MTMR8: variants seen among roughly 807,000 people sequenced by gnomAD.
MTMR8 encodes the protein myotubularin related protein 8, also known as phosphatidylinositol-3,5-bisphosphate 3-phosphatase MTMR8.
MTMR8 carries 65 observed loss-of-function variants against 39.3 expected under a neutral mutation model. The ratio of observed to expected loss-of-function variants is 1.65; its 90% CI spans 1.35 to 2.03. The LOEUF (loss-of-function observed/expected upper bound fraction) is 2.03, where lower values mean the gene tolerates loss of function less well. Ranked by LOEUF, MTMR8 falls within the 30% of genes most tolerant of loss-of-function variation. The pLI, the probability that MTMR8 is intolerant of heterozygous loss-of-function variation, is 0.00. For missense variants in MTMR8, 777 were observed against 538.9 expected, an observed-to-expected ratio of 1.44 and a Z score of -4.37; for synonymous variants, 245 against 185.2, an observed-to-expected ratio of 1.32 and a Z score of -2.62.
rs56132040 is a variant in MTMR8, at chrX:64,278,460, G to GTTTT, written c.1482-7391_1482-7388dup. 1.3e-3 allele frequency among the ~76,000 whole-genome samples: 32 copies of GTTTT among 24,693 alleles called. 10 individuals are homozygous for GTTTT. Among genetic ancestry groups the GTTTT allele is most frequent in the Admixed American group, 4.6e-3 (6 of 1,318 alleles). 21.4% of individuals were successfully genotyped at this position (24,693 alleles called of 115,157 possible). ...GATGTTGATGCTATTTATTTTGCTG[G>GTTTT]TTTTTTTTTTTTTTTTTTTTTTTTT... On this transcript the variant is annotated intron_variant, in intron 12 of 13. Coordinates refer to ENST00000374852, the MANE Select transcript of MTMR8 (RefSeq NM_017677.4).
At chrX:64,303,991 C>A (rs1236832866) in intron 12 of MTMR8, among the ~76,000 whole-genome samples, 2 of 111,935 alleles carry the variant, frequency 1.8e-5, no homozygotes, top group Non-Finnish European at 3.8e-5. Context: ...GCAGCACAGT[C>A]TGTTTTGAGA....
chrX:64,340,612 G>C (rs1023520845), intron 8 of MTMR8, among the ~76,000 whole-genome samples: 1 of 111,423 alleles, frequency 9.0e-6, no homozygotes, highest in African/African-American at 3.3e-5. Context: ...AGGTAGTCAG[G>C]TTTCAGGTAA....
chrX:64,391,442 C>T (rs1407261078), intron 1 of MTMR8, among the ~76,000 whole-genome samples: 1 of 112,050 alleles, frequency 8.9e-6, no homozygotes, highest in Non-Finnish European at 1.9e-5. Flanking sequence ...GGAAGAGCTT[C>T]TCCCTGCCTG....
At chrX:64,304,007 TTA>T (rs1921992114) in intron 12 of MTMR8, among the ~76,000 whole-genome samples, 1 of 111,731 alleles carries the variant, frequency 9.0e-6, no homozygotes, top group Non-Finnish European at 1.9e-5. Context: ...TGAGAAAAAG[TTA>T]TGATTTTTTT....
chrX:64,361,712 A>G (rs1379646293), intron 1 of MTMR8, among the ~76,000 whole-genome samples: 1 of 111,716 alleles, frequency 9.0e-6, no homozygotes, highest in Non-Finnish European at 1.9e-5. Context: ...CAAAAAACCT[A>G]CAAAGTATGT....
chrX:64,367,863 A>G (rs1308389789), intron 1 of MTMR8, among the ~76,000 whole-genome samples: 1 of 111,753 alleles, frequency 8.9e-6, no homozygotes, highest in South Asian at 3.7e-4. Flanking sequence ...AGAAAACCCC[A>G]TTGTCTCAGC....
chrX:64,337,249 T>C lies in MTMR8; in HGVS notation c.1101+19A>G. ...TCTGTCTCTTACACAAAGTAAAATA[T>C]AGTAGCGTGCTCTCTTACCATGAGT... On this transcript the variant is annotated intron_variant, in intron 9 of 13. Transcript: ENST00000374852. The C allele has an allele frequency of 8.3e-7, 1 of 1,197,706 alleles. No homozygotes were observed. Among genetic ancestry groups the C allele is most frequent in the South Asian group, 1.8e-5 (1 of 54,454 alleles).
chrX:64,333,663 C>A, intron 10 of MTMR8, among the ~76,000 whole-genome samples: 1 of 111,672 alleles, frequency 9.0e-6, no homozygotes, highest in South Asian at 3.8e-4. Flanking sequence ...TCTCTTCTAC[C>A]CCCTTGAGAG....
rs1004935692 is a variant in MTMR8, at chrX:64,348,715, A to G, written c.677T>C (p.Ile226Thr). ...CVDDELLLEA[I>T]SQTNPGSQFM... ...CTGGCTCCCTGGGTTTGTTTGGCTA[A>G]TGGCCTCCAACAAGAGCTCATCATC... Residue 226 changes from isoleucine (I) to threonine (T), a missense_variant, in exon 6 of 14, where the codon ATT becomes ACT. Physicochemically the swap from Ile to Thr is moderately conservative, Grantham distance 89. Coordinates refer to ENST00000374852, the MANE Select transcript of MTMR8 (RefSeq NM_017677.4). The G allele has an allele frequency of 2.5e-6, 3 of 1,209,049 alleles. No individual in the cohort carries two copies. Among genetic ancestry groups the G allele is most frequent in the Admixed American group, 2.2e-5 (1 of 45,702 alleles).
intron 7 of MTMR8, among the ~76,000 whole-genome samples, chrX:64,344,404 A>G (rs755140936): frequency 9.0e-6 from 1 of 111,311 alleles, no homozygotes; most frequent in South Asian, 3.8e-4. Context: ...AAGAGGAAGA[A>G]TGGGGAGTTC....
intron 1 of MTMR8, among the ~76,000 whole-genome samples, chrX:64,372,524 C>T (rs1422837003): frequency 8.9e-6 from 1 of 111,871 alleles, no homozygotes; most frequent in Non-Finnish European, 1.9e-5. Flanking sequence ...CTAATCTGTT[C>T]TTCATCTCTA....
chrX:64,270,978 A>T lies in MTMR8; in HGVS notation c.1577T>A (p.Met526Lys). Residue 526 changes from methionine to lysine, a missense_variant, in exon 13 of 14, where the codon ATG becomes AAG. Met to Lys is a moderately conservative substitution (Grantham distance 95). Transcript: ENST00000374852. ...TAGTTCATGCACATCTGTCTCCAGCATTGCTCTCTGTTTCTTAATTTCCAG... is the reference window on the plus strand; with the variant it reads ...TAGTTCATGCACATCTGTCTCCAGCTTTGCTCTCTGTTTCTTAATTTCCAG... ...SLLEIKKQRA[M>K]LETDVHELEK... The T allele has an allele frequency of 1.7e-6, 2 of 1,210,256 alleles. No homozygotes were observed. Among genetic ancestry groups the T allele is most frequent in the Non-Finnish European group, 2.2e-6 (2 of 894,915 alleles).
At chrX:64,293,997 C>A (rs1169611656) in intron 12 of MTMR8, among the ~76,000 whole-genome samples, 1 of 111,468 alleles carries the variant, frequency 9.0e-6, no homozygotes, top group Non-Finnish European at 1.9e-5. Context: ...CCTACCAGGG[C>A]AGGTGGTAAA....
Position 64,345,914 on chromosome X carries a change from C to T in MTMR8, c.733-737G>A, listed in dbSNP as rs909070916. On this transcript the variant is annotated intron_variant, in intron 6 of 13. Coordinates refer to ENST00000374852, the MANE Select transcript of MTMR8 (RefSeq NM_017677.4). ...GATTACAGGCATAAGCCACCACATA[C>T]AGCCCAATTAAATAGCTATTCTAGA... Among the ~76,000 whole-genome samples, 3 of 112,489 alleles carry T rather than the reference C, an allele frequency of 2.7e-5. No homozygotes were observed. In the Admixed American group the frequency reaches 2.8e-4, roughly 11 times the overall value.
chrX:64,306,192 C>G, intron 12 of MTMR8: 1 of 321,229 alleles, frequency 3.1e-6, no homozygotes, highest in Non-Finnish European at 6.2e-6. Flanking sequence ...AGGACCATCA[C>G]TTATGATAGT....
At chrX:64,315,657 T>G (rs1243827523) in intron 12 of MTMR8, among the ~76,000 whole-genome samples, 1 of 111,753 alleles carries the variant, frequency 8.9e-6, no homozygotes, top group Admixed American at 9.5e-5. Context: ...GCAATTATTG[T>G]AGACAGCATA....
intron 1 of MTMR8, among the ~76,000 whole-genome samples, chrX:64,369,179 G>T: frequency 8.9e-6 from 1 of 111,971 alleles, no homozygotes; most frequent in Non-Finnish European, 1.9e-5. Context: ...GTGTAAACTA[G>T]TTCAACCACT....
Position 64,296,066 on chromosome X carries a change from T to A in MTMR8, c.1482-24993A>T, listed in dbSNP as rs777000955. On this transcript the variant is annotated intron_variant, in intron 12 of 13. Transcript: ENST00000374852. ...AAGGTAGAAGCAACCCAGATGTCCA[T>A]CAATGGATGACTAAACAAAATGTGC... Among the ~76,000 whole-genome samples, 196 of 112,035 alleles carry A rather than the reference T, an allele frequency of 1.7e-3. 1 individual carries two copies. Among genetic ancestry groups the A allele is most frequent in the African/African-American group, 6.0e-3 (186 of 30,908 alleles).
chrX:64,277,659 C>A (rs902709143), intron 12 of MTMR8, among the ~76,000 whole-genome samples: 2 of 110,879 alleles, frequency 1.8e-5, no homozygotes, highest in African/African-American at 3.3e-5. Flanking sequence ...CTTTCTCTCC[C>A]TTAACATTTT....
Sources: gnomAD v4.1 joint callset for allele counts (sites outside exome capture counted in the v4.1 genomes callset) on GRCh38, gnomAD v4.1.1 for gene constraint, MANE v1.5 for transcripts, NCBI Gene and HGNC (gene_info 2026-07-23, HGNC 2026-07-21) for gene names.